The following OPA3 variants were observed in gnomAD, a reference collection of about 807,000 sequenced individuals.
The protein encoded by OPA3 is optic atrophy 3 protein.
In OPA3, 6 loss-of-function variants were observed where a neutral mutation model predicts 4.0. That is an observed-to-expected ratio of 1.51 (90% CI 0.83 to 2.99). OPA3 has a LOEUF of 2.99. Ranked by LOEUF, OPA3 falls within the 30% of genes most tolerant of loss-of-function variation. OPA3 has a pLI of 0.00. For synonymous variants in OPA3, 105 were observed against 117.1 expected (o/e 0.90, Z 0.67); for missense variants, 235 against 256.2 (o/e 0.92, Z 0.56).
chr19:45,529,274 G>C, exon 2 of OPA3: 1 of 1,613,952 alleles, frequency 6.2e-7, no homozygotes, highest in Non-Finnish European at 8.5e-7. Context: ...TCCTTGCGGC[G>C]CTGCTGCAAC....
chr19:45,565,104 C>A (rs559381396), intron 1 of OPA3, among the ~76,000 whole-genome samples: 1 of 152,040 alleles, frequency 6.6e-6, no homozygotes, highest in East Asian at 1.9e-4. Context: ...CGTGGTGGCA[C>A]ACGCCTGTGG....
In OPA3 at chr19:45,529,256, G is replaced by A. The variant is rs762247018; in HGVS notation, c.343C>T (p.Arg115Ter). The A allele has an allele frequency of 1.9e-6, 3 of 1,613,724 alleles. No individual in the cohort carries two copies. The highest frequency in any genetic ancestry group is 1.7e-5 in the Admixed American group (1 of 60,008). ...CGCAGCGCCTCCCTGGCAACACGTC[G>A]CTCCTTTTCCTTGCGGCGCTGCTGC... Residue 115 changes from arginine (R) to a stop codon, truncating the protein, a stop_gained, in exon 2 of 2, where the codon CGA becomes TGA. Coordinates refer to the OPA3 transcript ENST00000323060. LOFTEE classifies it low-confidence loss of function (END_TRUNC).
intron 1 of OPA3, among the ~76,000 whole-genome samples, chr19:45,534,973 A>T (rs1213829601): frequency 6.6e-6 from 1 of 152,158 alleles, no homozygotes; most frequent in Non-Finnish European, 1.5e-5. Flanking sequence ...CTTTACTTCC[A>T]GCTATTCAAT....
exon 2 of OPA3, chr19:45,528,708 G>C (rs1969021625): frequency 7.3e-6 from 2 of 272,646 alleles, no homozygotes; most frequent in African/African-American, 4.5e-5. Flanking sequence ...TGCCAAAAGA[G>C]GTGGACGTCC....
At chr19:45,529,383 G>T in exon 2 of OPA3, 1 of 1,614,228 alleles carries the variant, frequency 6.2e-7, no homozygotes, top group Non-Finnish European at 8.5e-7. Context: ...CTGCACCCTC[G>T]TTCAGCGGCT....
chr19:45,549,219 A>G lies in OPA3; in HGVS notation c.*4295T>C. On this transcript the variant is annotated 3_prime_UTR_variant, in exon 2 of 2. Transcript: ENST00000263275. ...TTACAAGGTACACAGAATTCTAGCT[A>G]GCAGAACACACGAGCAGTGAACCAT... 1.0e-6 allele frequency: 1 copy of G among 985,422 alleles called. No homozygotes were observed. Among genetic ancestry groups the G allele is most frequent in the Non-Finnish European group, 1.2e-6 (1 of 829,930 alleles). The allele number at this position is 985,422 out of a possible 1,614,324, so 61.0% of individuals were successfully genotyped here.
At chr19:45,567,109 C>T (rs1162996440) in intron 1 of OPA3, among the ~76,000 whole-genome samples, 1 of 151,954 alleles carries the variant, frequency 6.6e-6, no homozygotes, top group Non-Finnish European at 1.5e-5. Context: ...GGAGGCCAAG[C>T]GGTGAGGATC....
At chr19:45,539,311 C>T (rs1047373639) in intron 1 of OPA3, among the ~76,000 whole-genome samples, 7 of 152,146 alleles carry the variant, frequency 4.6e-5, no homozygotes, top group Non-Finnish European at 4.4e-5. Flanking sequence ...AAAAGTTAAA[C>T]ATAGGCCAGG....
chr19:45,531,314 ATTTTC>A lies in OPA3; in HGVS notation c.143-1863_143-1859del, dbSNP rs1377792163. 7.2e-5 allele frequency among the ~76,000 whole-genome samples: 11 copies of A among 151,776 alleles called. No homozygotes were observed. In the East Asian group the frequency reaches 2.1e-3, roughly 29 times the overall value. ...CTGCTTCGTATCGTGCCACATTTTC[ATTTTC>A]TTTTATTTCAACTTTGACGTTACTG... On this transcript the variant is annotated intron_variant, in intron 1 of 1. Coordinates refer to the OPA3 transcript ENST00000323060.
intron 1 of OPA3, among the ~76,000 whole-genome samples, chr19:45,538,837 A>G (rs534014821): frequency 2.6e-5 from 4 of 152,352 alleles, no homozygotes; most frequent in Admixed American, 2.6e-4. Flanking sequence ...AAAACAGTGA[A>G]CAACCACTAA....
intron 1 of OPA3, among the ~76,000 whole-genome samples, chr19:45,564,767 T>C (rs532099398): frequency 6.6e-6 from 1 of 152,218 alleles, no homozygotes; most frequent in Non-Finnish European, 1.5e-5. Context: ...TTTTAAGAGT[T>C]TGCATTGTTC....
Position 45,548,741 on chromosome 19 carries a change from T to C in OPA3, c.*4773A>G, listed in dbSNP as rs1409082190. ...GTGCGGGACCACCTCAGTGAGTTTT[T>C]TGAGTGAAAGAATAAATAAAGGATA... is the stretch of plus-strand genomic sequence containing the variant. On this transcript the variant is annotated 3_prime_UTR_variant, in exon 2 of 2. Coordinates refer to ENST00000263275, the MANE Select transcript of OPA3 (RefSeq NM_025136.4). 4.7e-5 allele frequency: 46 copies of C among 981,582 alleles called. No homozygotes were observed. The highest frequency in any genetic ancestry group is 6.2e-5 in the Admixed American group (1 of 16,200). 60.8% of individuals were successfully genotyped at this position (981,582 alleles called of 1,614,324 possible).
At chr19:45,564,165 G>C (rs1260365501) in intron 1 of OPA3, among the ~76,000 whole-genome samples, 1 of 151,360 alleles carries the variant, frequency 6.6e-6, no homozygotes, top group Non-Finnish European at 1.5e-5. Context: ...GCATCAGGGT[G>C]GGGGTGGGGG....
intron 1 of OPA3, among the ~76,000 whole-genome samples, chr19:45,530,760 T>C (rs1330284858): frequency 1.4e-5 from 2 of 145,326 alleles, no homozygotes; most frequent in Non-Finnish European, 3.0e-5. Flanking sequence ...TGCCCAGCCT[T>C]TATTTATTTA....
chr19:45,580,168 T>C (rs1969829285), intron 1 of OPA3, among the ~76,000 whole-genome samples: 1 of 144,254 alleles, frequency 6.9e-6, no homozygotes, highest in Non-Finnish European at 1.5e-5. Context: ...AGCTAATTTT[T>C]GTATTTTTAG....
chr19:45,534,049 C>T (rs1232815351), intron 1 of OPA3, among the ~76,000 whole-genome samples: 1 of 152,340 alleles, frequency 6.6e-6, no homozygotes, highest in East Asian at 1.9e-4. Flanking sequence ...AAGATGATAT[C>T]TTTACAATAT....
chr19:45,566,010 A>T (rs1030905146), intron 1 of OPA3, among the ~76,000 whole-genome samples: 1 of 152,208 alleles, frequency 6.6e-6, no homozygotes, highest in East Asian at 1.9e-4. Flanking sequence ...AAATTATAGA[A>T]TATGTCACTG....
intron 1 of OPA3, among the ~76,000 whole-genome samples, chr19:45,529,811 G>C (rs925886252): frequency 2.0e-5 from 3 of 152,128 alleles, no homozygotes; most frequent in African/African-American, 7.2e-5. Context: ...GCTTACTGCA[G>C]CCTCGAACTC....
At chr19:45,572,784 TATATA>T in intron 1 of OPA3, among the ~76,000 whole-genome samples, 1 of 79,510 alleles carries the variant, frequency 1.3e-5, no homozygotes. Flanking sequence ...TATCATACTA[TATATA>T]GATATATATA....
Sources: gnomAD v4.1 joint callset for allele counts (sites outside exome capture counted in the v4.1 genomes callset) on GRCh38, gnomAD v4.1.1 for gene constraint, MANE v1.5 for transcripts, NCBI Gene and HGNC (gene_info 2026-07-23, HGNC 2026-07-21) for gene names.